XRCC4: variants seen among roughly 807,000 people sequenced by gnomAD.
XRCC4 encodes the protein X-ray repair cross complementing 4.
Under a neutral mutation model 39.1 loss-of-function variants are expected in XRCC4, and 28 were observed. That is an observed-to-expected ratio of 0.72 (90% CI 0.53 to 0.98). The LOEUF is 0.98. Among genes scored for constraint, XRCC4 ranks in the 50% least tolerant of loss-of-function variants. The probability of loss-of-function intolerance (pLI) is 0.00; values close to 1 mark genes in which losing one functional copy is unlikely to be tolerated. For synonymous variants in XRCC4, 123 were observed against 126.4 expected, an observed-to-expected ratio of 0.97 and a Z score of 0.18; for missense variants, 350 against 376.4, an observed-to-expected ratio of 0.93 and a Z score of 0.58.
At chr5:83,091,359 C>T (rs187473238) in intron 1 of XRCC4, among the ~76,000 whole-genome samples, 2 of 152,288 alleles carry the variant, frequency 1.3e-5, no homozygotes, top group East Asian at 3.9e-4. Flanking sequence ...TTAAAACCAT[C>T]AGCTCTTGTG....
Position 83,111,067 on chromosome 5 carries a change from CA to C in XRCC4, c.181del (p.Met61TrpfsTer10). On this transcript the variant is annotated frameshift_variant, in exon 3 of 8. Transcript: ENST00000396027. LOFTEE classifies it high-confidence loss of function. ...SEISQEADDM[A>X]MEKGKYVGEL... ...ATTTCCCAAGAAGCTGATGACATGGCAATGGAAAAAGGGAAATATGTTGGTG... is the reference window on the plus strand; with the variant it reads ...ATTTCCCAAGAAGCTGATGACATGGCATGGAAAAAGGGAAATATGTTGGTG... 1 of 1,610,360 alleles carries C rather than the reference CA, an allele frequency of 6.2e-7. No individual in the cohort carries two copies. The highest frequency in any genetic ancestry group is 8.5e-7 in the Non-Finnish European group (1 of 1,178,454).
At chr5:83,244,306 T>TAA (rs1753021030) in intron 6 of XRCC4, among the ~76,000 whole-genome samples, 5 of 152,202 alleles carry the variant, frequency 3.3e-5, no homozygotes, top group Non-Finnish European at 7.3e-5. Context: ...GATCATTGAG[T>TAA]TTTGTTCTGG....
intron 6 of XRCC4, among the ~76,000 whole-genome samples, chr5:83,252,248 T>A (rs890754800): frequency 1.4e-4 from 21 of 152,226 alleles, no homozygotes; most frequent in African/African-American, 5.1e-4. Context: ...TTTTAAGGTT[T>A]GCGTTTTGTG....
chr5:83,121,714 AACTT>A (rs1406319188), intron 3 of XRCC4, among the ~76,000 whole-genome samples: 1 of 152,132 alleles, frequency 6.6e-6, no homozygotes, highest in Non-Finnish European at 1.5e-5. Flanking sequence ...AACTTTGAGG[AACTT>A]ACTTTTTTTT....
intron 7 of XRCC4, among the ~76,000 whole-genome samples, chr5:83,294,490 A>C (rs1260624295): frequency 6.6e-6 from 1 of 152,066 alleles, no homozygotes; most frequent in Non-Finnish European, 1.5e-5. Flanking sequence ...AACTTCGGTG[A>C]ACTGGCTAAA....
At chr5:83,263,735 C>T (rs1753849211) in intron 7 of XRCC4, among the ~76,000 whole-genome samples, 1 of 151,576 alleles carries the variant, frequency 6.6e-6, no homozygotes, top group East Asian at 1.9e-4. Flanking sequence ...ATTGTAGATT[C>T]TAGATATTAG....
At chr5:83,372,892 C>G in the XRCC4 span, among the ~76,000 whole-genome samples, 1 of 152,162 alleles carries the variant, frequency 6.6e-6, no homozygotes, top group South Asian at 2.1e-4. Context: ...ACTTACAATA[C>G]ATTTCAAGGA....
At chr5:83,341,575 A>T (rs1756760530) in intron 7 of XRCC4, among the ~76,000 whole-genome samples, 1 of 152,144 alleles carries the variant, frequency 6.6e-6, no homozygotes, top group African/African-American at 2.4e-5. Flanking sequence ...CTACCTTTTG[A>T]GACACACTGC....
intron 7 of XRCC4, among the ~76,000 whole-genome samples, chr5:83,283,798 G>A (rs368381325): frequency 1.3e-5 from 2 of 151,820 alleles, no homozygotes; most frequent in South Asian, 2.1e-4. Context: ...AACTCATCTC[G>A]GAGTTATCTT....
chr5:83,140,262 A>G (rs1011772716), intron 3 of XRCC4, among the ~76,000 whole-genome samples: 1 of 152,212 alleles, frequency 6.6e-6, no homozygotes, highest in Non-Finnish European at 1.5e-5. Context: ...CCTCAAGAGC[A>G]GGGAAGCTGA....
intron 7 of XRCC4, among the ~76,000 whole-genome samples, chr5:83,330,041 C>G (rs904382044): frequency 1.3e-5 from 2 of 152,034 alleles, no homozygotes; most frequent in Non-Finnish European, 2.9e-5. Context: ...AGAAGTAACA[C>G]GGGCATCATA....
chr5:83,170,235 A>T (rs1221885587), intron 3 of XRCC4, among the ~76,000 whole-genome samples: 1 of 151,942 alleles, frequency 6.6e-6, no homozygotes, highest in African/African-American at 2.4e-5. Flanking sequence ...AAAGGTGCTT[A>T]CTCTAAAAAA....
At chr5:83,266,344 G>C (rs1753953431) in intron 7 of XRCC4, among the ~76,000 whole-genome samples, 1 of 150,046 alleles carries the variant, frequency 6.7e-6, no homozygotes, top group South Asian at 2.1e-4. Flanking sequence ...TGTAAAGTAA[G>C]TATTTGGTCC....
At chr5:83,083,017 T>TA (rs57299697) in intron 1 of XRCC4, among the ~76,000 whole-genome samples, 152,297 of 152,298 alleles carry the variant, frequency 1, 76,148 homozygotes, top group Middle Eastern at 1. Context: ...TCCATACAGC[T>TA]ATTCCTTCAT....
chr5:83,128,571 C>T (rs909156366), intron 3 of XRCC4, among the ~76,000 whole-genome samples: 2 of 152,126 alleles, frequency 1.3e-5, no homozygotes, highest in East Asian at 1.9e-4. Flanking sequence ...AATGGTTGAA[C>T]TAGTTTAAAG....
intron 7 of XRCC4, among the ~76,000 whole-genome samples, chr5:83,320,473 A>G (rs1172810584): frequency 2.6e-5 from 4 of 152,162 alleles, no homozygotes; most frequent in Middle Eastern, 6.8e-3. Context: ...TATAATATCC[A>G]TAAACTTAGT....
At chr5:83,303,205 T>TC (rs1418541466) in intron 7 of XRCC4, among the ~76,000 whole-genome samples, 2 of 117,452 alleles carry the variant, frequency 1.7e-5, no homozygotes, top group African/African-American at 7.3e-5. Context: ...AGAGCAAGAC[T>TC]CCGTCTCAAA....
chr5:83,282,318 C>CA (rs375489374), intron 7 of XRCC4, among the ~76,000 whole-genome samples: 21 of 148,516 alleles, frequency 1.4e-4, no homozygotes, highest in South Asian at 1.3e-3. Flanking sequence ...TTTATAATAG[C>CA]AAAAAAAAAG....
chr5:83,283,162 G>T (rs545772607), intron 7 of XRCC4, among the ~76,000 whole-genome samples: 2 of 152,044 alleles, frequency 1.3e-5, no homozygotes, highest in South Asian at 4.1e-4. Context: ...CAAATAATAG[G>T]TTTGTAAACC....
Sources: gnomAD v4.1 joint callset for allele counts (sites outside exome capture counted in the v4.1 genomes callset) on GRCh38, gnomAD v4.1.1 for gene constraint, MANE v1.5 for transcripts, NCBI Gene and HGNC (gene_info 2026-07-23, HGNC 2026-07-21) for gene names.